SVIL: variants seen among roughly 807,000 people sequenced by gnomAD.
The protein encoded by SVIL is supervillin.
A neutral mutation model predicts 240.4 loss-of-function variants in SVIL; 101 were observed. That is an observed-to-expected ratio of 0.42 (90% CI 0.36 to 0.50). The LOEUF (loss-of-function observed/expected upper bound fraction) is 0.50, where lower values mean the gene tolerates loss of function less well. SVIL is among the 20% of genes least tolerant of loss of function. The probability of loss-of-function intolerance (pLI) is 0.01; values close to 1 mark genes in which losing one functional copy is unlikely to be tolerated. For missense variants in SVIL, 2,512 were observed against 2,818.7 expected, an observed-to-expected ratio of 0.89 and a Z score of 2.46; for synonymous variants, 999 against 1,100.0, an observed-to-expected ratio of 0.91 and a Z score of 1.82.
intron 2 of SVIL, among the ~76,000 whole-genome samples, chr10:29,567,329 A>G (rs1274579564): frequency 6.6e-6 from 1 of 152,238 alleles, no homozygotes; most frequent in Non-Finnish European, 1.5e-5. Context: ...TCCAGCACCC[A>G]TGCGGTGTAA....
At chr10:29,696,386 G>A (rs1468534344) in intron 1 of SVIL, among the ~76,000 whole-genome samples, 1 of 152,060 alleles carries the variant, frequency 6.6e-6, no homozygotes, top group Non-Finnish European at 1.5e-5. Flanking sequence ...CGTCTGGGAA[G>A]TGAGGAGCGT....
chr10:29,529,082 A>G (rs1459384547), intron 12 of SVIL, among the ~76,000 whole-genome samples: 2 of 147,162 alleles, frequency 1.4e-5, no homozygotes, highest in Admixed American at 1.4e-4. Flanking sequence ...AGGTGGAGGC[A>G]GGAGAATCGC....
Position 29,537,254 on chromosome 10 carries a change from T to C in SVIL, c.828-1185A>G, listed in dbSNP as rs535657305. On this transcript the variant is annotated intron_variant, in intron 6 of 37. Coordinates refer to ENST00000355867, the MANE Select transcript of SVIL (RefSeq NM_021738.3). ...TAATTCAGGTCCATTCTGCTGATAT[T>C]TATTGAGCTCCTAGTAAGTGCAAGT... is the stretch of plus-strand genomic sequence containing the variant. 5.3e-5 allele frequency among the ~76,000 whole-genome samples: 8 copies of C among 152,326 alleles called. No individual in the cohort carries two copies. In the South Asian group the frequency reaches 1.4e-3, roughly 28 times the overall value.
chr10:29,736,496 G>A (rs566700780), upstream of SVIL, among the ~76,000 whole-genome samples: 2 of 152,046 alleles, frequency 1.3e-5, no homozygotes, highest in Non-Finnish European at 2.9e-5. Context: ...GGGTGTGGCT[G>A]TCCAACTCGC....
chr10:29,458,618 AG>A, intron 36 of SVIL, 29 bp from the exon 37 acceptor site: 1 of 1,604,988 alleles, frequency 6.2e-7, no homozygotes, highest in Non-Finnish European at 8.5e-7. Context: ...CAGAGAGGAG[AG>A]CTCGTGTCCT....
At chr10:29,491,595 G>A in intron 21 of SVIL, among the ~76,000 whole-genome samples, 1 of 152,018 alleles carries the variant, frequency 6.6e-6, no homozygotes, top group East Asian at 1.9e-4. Flanking sequence ...AATAAAATAG[G>A]CCCGCAACCA....
At chr10:29,696,085 G>C (rs1961960482) in intron 1 of SVIL, among the ~76,000 whole-genome samples, 1 of 151,840 alleles carries the variant, frequency 6.6e-6, no homozygotes. Flanking sequence ...CCGAGTGCCT[G>C]CGATTGCAGG....
At chr10:29,464,933 C>T (rs1944716244) in intron 34 of SVIL, among the ~76,000 whole-genome samples, 1 of 152,180 alleles carries the variant, frequency 6.6e-6, no homozygotes, top group South Asian at 2.1e-4. Flanking sequence ...GAGCCCTGAC[C>T]TTGGGATCAG....
chr10:29,522,601 C>A lies in SVIL; in HGVS notation c.3198G>T (p.Thr1066=), dbSNP rs375641956. 1 of 1,614,044 alleles carries A rather than the reference C, an allele frequency of 6.2e-7. No homozygotes were observed. Among genetic ancestry groups the A allele is most frequent in the South Asian group, 1.1e-5 (1 of 91,080 alleles). The change falls in exon 16 of 38, where the codon ACG becomes ACT. Residue 1066 remains threonine, a synonymous_variant. Transcript: ENST00000355867. The part of the protein sequence containing the change: ...AEFGEPTSEQ[T]GTAAGKTIAQ... ...CAATAGTTTTCCCAGCAGCTGTCCC[C>A]GTCTGCTCGGAAGTGGGCTCCCCGA...
rs532087033 is a variant in SVIL, at chr10:29,512,984, A to G, written c.3390-123T>C. 18 of 1,362,414 alleles carry G rather than the reference A, an allele frequency of 1.3e-5. No individual in the cohort carries two copies. In the East Asian group the frequency reaches 4.2e-4, roughly 32 times the overall value. The allele number at this position is 1,362,414 out of a possible 1,614,324, so 84.4% of individuals were successfully genotyped here. On this transcript the variant is annotated intron_variant, in intron 16 of 37. Coordinates refer to ENST00000355867, the MANE Select transcript of SVIL (RefSeq NM_021738.3). ...ATGACCACAGCCGCCTCGTTTTAAC[A>G]TTTTGAATTTCATTTATTCGGAAGA...
chr10:29,465,884 T>A, intron 33 of SVIL, 134 bp from the exon 34 acceptor site: 2 of 1,154,908 alleles, frequency 1.7e-6, no homozygotes, highest in South Asian at 3.0e-5. Flanking sequence ...AGCTTCAAGG[T>A]GGAGAAAGCC....
At chr10:29,522,995 T>C (rs1385886952) in intron 15 of SVIL, among the ~76,000 whole-genome samples, 1 of 152,216 alleles carries the variant, frequency 6.6e-6, no homozygotes, top group East Asian at 1.9e-4. Context: ...CACTGTACTG[T>C]TTCATACAAA....
At position 29,486,215 on chromosome 10, in the gene SVIL, T is replaced by C; in HGVS notation, c.4649A>G (p.Lys1550Arg). The C allele has an allele frequency of 6.2e-6, 10 of 1,614,172 alleles. No homozygotes were observed. Among genetic ancestry groups the C allele is most frequent in the Non-Finnish European group, 8.5e-6 (10 of 1,180,016 alleles). The change falls in exon 26 of 38, where the codon AAA (lysine) becomes AGA (arginine). Residue 1550 changes from lysine (K) to arginine (R), a missense_variant. Lys to Arg is a conservative substitution (Grantham distance 26). Around this residue, in one of 3 missense-constraint regions of SVIL, gnomAD observed 797 missense variants for 925.3 expected, o/e 0.86. Coordinates refer to ENST00000355867, the MANE Select transcript of SVIL (RefSeq NM_021738.3). ...QTSYQSAGDP[K>R]EDELYEAAII... ...GGCTGCTTCATAGAGTTCATCTTCT[T>C]TTGGGTCTCCAGCAGCTTGGGGATA...
At chr10:29,689,627 C>T (rs1033383199) in intron 1 of SVIL, among the ~76,000 whole-genome samples, 17 of 152,248 alleles carry the variant, frequency 1.1e-4, no homozygotes, top group African/African-American at 4.1e-4. Context: ...TTCATACACA[C>T]AGGTCAGGGA....
intron 6 of SVIL, among the ~76,000 whole-genome samples, chr10:29,547,414 C>A (rs1010266679): frequency 1.6e-5 from 2 of 123,470 alleles, no homozygotes; most frequent in Non-Finnish European, 3.6e-5. Flanking sequence ...AAGGCATGCA[C>A]CTCTCTAGAA....
At chr10:29,475,152 A>G (rs1166426076) in intron 29 of SVIL, among the ~76,000 whole-genome samples, 5 of 152,254 alleles carry the variant, frequency 3.3e-5, no homozygotes, top group African/African-American at 1.2e-4. Context: ...CAGCCTCCCA[A>G]ATAGCTGGGA....
chr10:29,643,843 T>C, intron 3 of SVIL: 1 of 353,838 alleles, frequency 2.8e-6, no homozygotes, highest in South Asian at 2.0e-5. Flanking sequence ...TTCAGAGCAA[T>C]GGGTGTGTAG....
chr10:29,597,524 C>T lies in SVIL; in HGVS notation c.-200-28212G>A, dbSNP rs773028124. 6.6e-5 allele frequency among the ~76,000 whole-genome samples: 10 copies of T among 152,058 alleles called. No homozygotes were observed. The South Asian group carries it at 1.5e-3, about 22-fold the overall frequency. On this transcript the variant is annotated intron_variant, in intron 1 of 37. Transcript: ENST00000355867. The stretch of plus-strand genomic sequence containing the variant: ...CCTCCACCTCCTGGGTTCAGCCTCA[C>T]GAGTAGCTGGGATTACAGGTGCCCA...
intron 12 of SVIL, among the ~76,000 whole-genome samples, chr10:29,528,362 CCTAATGGGATGAA>C (rs1320972492): frequency 1.3e-5 from 2 of 152,094 alleles, no homozygotes; most frequent in South Asian, 4.2e-4. Flanking sequence ...ATGTCAATAA[CCTAATGGGATGAA>C]CTATTTTTTT....
Sources: gnomAD v4.1 joint callset for allele counts (sites outside exome capture counted in the v4.1 genomes callset) on GRCh38, gnomAD v4.1.1 for gene constraint, gnomAD v4.1.1 regional missense constraint, MANE v1.5 for transcripts, NCBI Gene and HGNC (gene_info 2026-07-23, HGNC 2026-07-21) for gene names.